ESRRG: variants seen among roughly 807,000 people sequenced by gnomAD.
The protein encoded by ESRRG is estrogen related receptor gamma, also known as estrogen-related receptor gamma.
In ESRRG, 13 loss-of-function variants were observed where a neutral mutation model predicts 44.0. The observed-to-expected ratio is 0.30, with a 90% CI of 0.19 to 0.47. ESRRG has a LOEUF of 0.47. ESRRG is among the 20% of genes least tolerant of loss of function. The pLI is 1.00. For synonymous variants in ESRRG, 215 were observed against 214.6 expected (o/e 1.00, Z -0.02); for missense variants, 395 against 580.6 (o/e 0.68, Z 3.29).
At chr1:217,013,022 T>A (rs2150813572) in intron 1 of ESRRG, among the ~76,000 whole-genome samples, 1 of 152,312 alleles carries the variant, frequency 6.6e-6, no homozygotes, top group East Asian at 1.9e-4. Context: ...ATATCATGTC[T>A]TCCTTCTATG....
At chr1:216,786,851 C>T (rs2094143454) in intron 2 of ESRRG, among the ~76,000 whole-genome samples, 1 of 152,122 alleles carries the variant, frequency 6.6e-6, no homozygotes, top group South Asian at 2.1e-4. Context: ...CCACTTTGCA[C>T]ATTTAGGACA....
At chr1:217,030,053 C>G (rs899604250) in intron 1 of ESRRG, among the ~76,000 whole-genome samples, 5 of 152,188 alleles carry the variant, frequency 3.3e-5, no homozygotes, top group African/African-American at 9.7e-5. Flanking sequence ...GCCCTAGATT[C>G]CACCTTCTAC....
chr1:217,004,125 T>C (rs530500211), intron 1 of ESRRG, among the ~76,000 whole-genome samples: 4 of 152,266 alleles, frequency 2.6e-5, no homozygotes, highest in African/African-American at 9.6e-5. Flanking sequence ...TTTACATTTC[T>C]ACAACGTAAA....
intron 5 of ESRRG, among the ~76,000 whole-genome samples, chr1:216,556,513 G>C (rs11572792): frequency 6.6e-6 from 1 of 152,136 alleles, no homozygotes; most frequent in African/African-American, 2.4e-5. Flanking sequence ...TAATTCAAAA[G>C]TTCCAATTTT....
In ESRRG at chr1:216,651,033, G is replaced by A; in HGVS notation, c.529C>T (p.Arg177Cys). ...AAGCGGCAAGCCTGGCAGGATTTAC[G>A]TCTGCGCTTTGTGATTTCACATTCA... The part of the protein sequence containing the change: ...TNECEITKRR[R>C]KSCQACRFMK... Residue 177 changes from arginine to cysteine, a missense_variant, in exon 3 of 7, where the codon CGT becomes TGT. Arg to Cys is a radical substitution (Grantham distance 180). Coordinates refer to ENST00000408911, the MANE Select transcript of ESRRG (RefSeq NM_001438.4). 1 of 1,613,458 alleles carries A rather than the reference G, an allele frequency of 6.2e-7. No individual in the cohort carries two copies. The highest frequency in any genetic ancestry group is 8.5e-7 in the Non-Finnish European group (1 of 1,179,522).
intron 5 of ESRRG, among the ~76,000 whole-genome samples, chr1:216,548,763 A>G (rs2055343158): frequency 2.0e-5 from 3 of 152,158 alleles, no homozygotes; most frequent in African/African-American, 7.2e-5. Flanking sequence ...GTATTCCCCA[A>G]TAGACTCTAA....
At chr1:217,110,009 C>T (rs2092643448) in intron 1 of ESRRG, among the ~76,000 whole-genome samples, 1 of 152,070 alleles carries the variant, frequency 6.6e-6, no homozygotes, top group Admixed American at 6.6e-5. Flanking sequence ...AATTCTAAGC[C>T]CATCTGCCTT....
chr1:217,051,207 G>C (rs1030547686), intron 1 of ESRRG, among the ~76,000 whole-genome samples: 17 of 127,374 alleles, frequency 1.3e-4, no homozygotes, highest in East Asian at 3.0e-4. Flanking sequence ...ATGGGGGCGG[G>C]GGGGGGGGGT....
chr1:216,859,573 A>C (rs1165072434), intron 2 of ESRRG, among the ~76,000 whole-genome samples: 1 of 152,218 alleles, frequency 6.6e-6, no homozygotes, highest in Non-Finnish European at 1.5e-5. Context: ...ACTAGTGCCC[A>C]GTGCTTACAT....
intron 1 of ESRRG, among the ~76,000 whole-genome samples, chr1:216,703,914 T>C (rs868788401): frequency 2.2e-4 from 34 of 152,320 alleles, no homozygotes; most frequent in African/African-American, 7.5e-4. Flanking sequence ...TCTCATTTTA[T>C]TTGGTGCTGG....
At chr1:216,884,324 C>T (rs150237454) in intron 2 of ESRRG, among the ~76,000 whole-genome samples, 1 of 152,240 alleles carries the variant, frequency 6.6e-6, no homozygotes, top group Non-Finnish European at 1.5e-5. Flanking sequence ...AAATCAAATT[C>T]ACTCTTTGTT....
In ESRRG at chr1:216,535,592, T is replaced by G. The variant is rs11799512; in HGVS notation, c.863-16171A>C. On this transcript the variant is annotated intron_variant, in intron 5 of 6. Coordinates refer to ENST00000408911, the MANE Select transcript of ESRRG (RefSeq NM_001438.4). ...GTCTGTAAGTTAAAGAGACTGCTCT[T>G]TCTTCCTAAGGAAGGCCTTTCCTAT... 6.8e-3 allele frequency among the ~76,000 whole-genome samples: 1,030 copies of G among 152,260 alleles called. 5 individuals are homozygous for G. The highest frequency in any genetic ancestry group is 0.023 in the African/African-American group (975 of 41,568).
intron 2 of ESRRG, among the ~76,000 whole-genome samples, chr1:216,895,869 T>C (rs1438198793): frequency 6.6e-6 from 1 of 152,196 alleles, no homozygotes; most frequent in Admixed American, 6.5e-5. Context: ...GAATAATTAG[T>C]GTTTGCAGTG....
intron 2 of ESRRG, among the ~76,000 whole-genome samples, chr1:216,810,516 G>A (rs2094934183): frequency 1.3e-5 from 2 of 150,236 alleles, no homozygotes; most frequent in African/African-American, 4.9e-5. Flanking sequence ...CTGATAAAAA[G>A]ACAGTGGTAT....
chr1:217,030,031 C>A (rs1007849720), intron 1 of ESRRG, among the ~76,000 whole-genome samples: 14 of 152,176 alleles, frequency 9.2e-5, no homozygotes, highest in African/African-American at 3.4e-4. Flanking sequence ...CTCACTAGCA[C>A]ACTGTACTAC....
chr1:216,534,212 G>A (rs2050230317), intron 5 of ESRRG, among the ~76,000 whole-genome samples: 1 of 152,104 alleles, frequency 6.6e-6, no homozygotes, highest in Admixed American at 6.6e-5. Flanking sequence ...CTCCAGAATG[G>A]GGTGGATTTT....
chr1:216,656,365 T>C (rs529967243), intron 2 of ESRRG, among the ~76,000 whole-genome samples: 10 of 152,204 alleles, frequency 6.6e-5, no homozygotes, highest in Non-Finnish European at 7.4e-5. Flanking sequence ...AAGCTCTCGG[T>C]TTTTAAACCA....
chr1:216,700,121 C>T (rs2081100070), intron 1 of ESRRG, among the ~76,000 whole-genome samples: 2 of 43,420 alleles, frequency 4.6e-5, no homozygotes, highest in South Asian at 3.5e-3. Context: ...CGCAGCCCCG[C>T]ACCTTTTTTT....
intron 1 of ESRRG, among the ~76,000 whole-genome samples, chr1:217,134,334 C>A (rs146101162): frequency 1.3e-5 from 2 of 152,080 alleles, no homozygotes; most frequent in Non-Finnish European, 2.9e-5. Context: ...GGGAATGTGG[C>A]CAAAAGGGGA....
Sources: gnomAD v4.1 joint callset for allele counts (sites outside exome capture counted in the v4.1 genomes callset) on GRCh38, gnomAD v4.1.1 for gene constraint, MANE v1.5 for transcripts, NCBI Gene and HGNC (gene_info 2026-07-23, HGNC 2026-07-21) for gene names.